Variants in MARCHF1 observed in about 807,000 individuals in gnomAD.
The protein encoded by MARCHF1 is E3 ubiquitin-protein ligase MARCHF1.
Under a neutral mutation model 54.2 loss-of-function variants are expected in MARCHF1, and 40 were observed. The observed-to-expected ratio is 0.74, with a 90% CI of 0.57 to 0.96. MARCHF1 has a LOEUF of 0.96. Ranked by LOEUF, MARCHF1 falls within the 40% of genes least tolerant of loss-of-function variation. The pLI is 0.00. For missense variants in MARCHF1, 586 were observed against 656.5 expected, an observed-to-expected ratio of 0.89 and a Z score of 1.17; for synonymous variants, 236 against 236.3, an observed-to-expected ratio of 1.00 and a Z score of 0.01.
chr4:163,796,788 C>A (rs536289899), intron 4 of MARCHF1, among the ~76,000 whole-genome samples: 1 of 152,048 alleles, frequency 6.6e-6, no homozygotes, highest in African/African-American at 2.4e-5. Flanking sequence ...AATTATATAG[C>A]TTTTAACCTG....
chr4:163,726,001 T>C (rs956755019), intron 4 of MARCHF1, among the ~76,000 whole-genome samples: 1 of 152,104 alleles, frequency 6.6e-6, no homozygotes, highest in Non-Finnish European at 1.5e-5. Context: ...TTTTTCTTTT[T>C]AGTCTTTTTA....
intron 1 of MARCHF1, among the ~76,000 whole-genome samples, chr4:164,151,648 C>T (rs995375583): frequency 6.6e-6 from 1 of 152,162 alleles, no homozygotes; most frequent in Non-Finnish European, 1.5e-5. Context: ...CAAGCCTCTC[C>T]TATTCCACTG....
intron 1 of MARCHF1, among the ~76,000 whole-genome samples, chr4:164,300,573 A>C (rs1361628398): frequency 2.0e-5 from 3 of 152,086 alleles, no homozygotes; most frequent in African/African-American, 7.2e-5. Flanking sequence ...GTTTCAGATG[A>C]TCTCACTCTG....
intron 2 of MARCHF1, among the ~76,000 whole-genome samples, chr4:164,005,661 G>A (rs552293569): frequency 3.3e-5 from 5 of 152,212 alleles, no homozygotes; most frequent in African/African-American, 1.2e-4. Flanking sequence ...TGTCTGAAAG[G>A]AAAAATATTT....
At chr4:163,810,787 T>G (rs180981325) in intron 4 of MARCHF1, among the ~76,000 whole-genome samples, 4 of 151,952 alleles carry the variant, frequency 2.6e-5, no homozygotes, top group Admixed American at 6.6e-5. Context: ...TAACTAAGAA[T>G]TAACAAGAAT....
chr4:163,701,160 C>T (rs952787352), intron 4 of MARCHF1, among the ~76,000 whole-genome samples: 11 of 152,076 alleles, frequency 7.2e-5, no homozygotes, highest in Admixed American at 2.0e-4. Context: ...TGAAATTCTT[C>T]GGCACTAAAA....
At chr4:164,002,753 C>T (rs1192681484) in intron 2 of MARCHF1, among the ~76,000 whole-genome samples, 1 of 151,812 alleles carries the variant, frequency 6.6e-6, no homozygotes, top group Non-Finnish European at 1.5e-5. Context: ...AAATCAGATA[C>T]AGGTATGCCA....
At chr4:164,103,884 A>G (rs1384969173) in intron 2 of MARCHF1, among the ~76,000 whole-genome samples, 1 of 142,810 alleles carries the variant, frequency 7.0e-6, no homozygotes, top group African/African-American at 2.9e-5. Flanking sequence ...CTAATAAAGA[A>G]AAAAAGAGAG....
chr4:163,832,646 A>T (rs1024432389), intron 4 of MARCHF1, among the ~76,000 whole-genome samples: 2 of 151,260 alleles, frequency 1.3e-5, no homozygotes, highest in Non-Finnish European at 1.5e-5. Context: ...CGTGCAGGTT[A>T]GTTACATATG....
chr4:164,357,608 A>G (rs193129438), intron 1 of MARCHF1, among the ~76,000 whole-genome samples: 1 of 152,306 alleles, frequency 6.6e-6, no homozygotes, highest in Admixed American at 6.5e-5. Context: ...AAGAGATGCT[A>G]ATTTTGAAAA....
rs901946888 is a variant in MARCHF1 at position 164,278,682 on chromosome 4, C to T, written c.-323+105188G>A. On this transcript the variant is annotated intron_variant, in intron 1 of 9. Transcript: ENST00000514618. The stretch of plus-strand genomic sequence containing the variant: ...GTATCTGAGTAGCAGCAAAGTTATT[C>T]TCAAATTTCCATTTTATAGCTGGGG... Among the ~76,000 whole-genome samples, 8 of 152,204 alleles carry T rather than the reference C, an allele frequency of 5.3e-5. 1 individual carries two copies. The South Asian group carries it at 6.2e-4, about 12-fold the overall frequency.
chr4:163,753,143 T>G (rs1183298295), intron 4 of MARCHF1, among the ~76,000 whole-genome samples: 1 of 152,134 alleles, frequency 6.6e-6, no homozygotes, highest in Non-Finnish European at 1.5e-5. Context: ...AACTAGATGA[T>G]CCCTTAGGTT....
At chr4:163,840,882 C>T (rs1327249173) in intron 4 of MARCHF1, among the ~76,000 whole-genome samples, 1 of 151,938 alleles carries the variant, frequency 6.6e-6, no homozygotes, top group Non-Finnish European at 1.5e-5. Context: ...TATATAAAGA[C>T]ATCACGATAT....
At position 163,933,919 on chromosome 4, in the gene MARCHF1, C is replaced by T. The variant is rs148182127; in HGVS notation, c.-39+54582G>A. On this transcript the variant is annotated intron_variant, in intron 3 of 9. Coordinates refer to ENST00000514618, the MANE Select transcript of MARCHF1 (RefSeq NM_001394959.1). ...CTTCCCAATAAAAATTCACTTACAC[C>T]TCCTGCCTTTGTAGTTCTGGTATTC... 9.4e-3 allele frequency among the ~76,000 whole-genome samples: 1,425 copies of T among 152,292 alleles called. 24 individuals are homozygous for T. The highest frequency in any genetic ancestry group is 0.032 in the African/African-American group (1,312 of 41,564).
chr4:164,274,228 T>C (rs746898074), intron 1 of MARCHF1, among the ~76,000 whole-genome samples: 4 of 152,216 alleles, frequency 2.6e-5, no homozygotes, highest in Admixed American at 6.5e-5. Flanking sequence ...AGTAAGTGGA[T>C]AGAAAATCGT....
At chr4:164,070,272 CAATGTT>C (rs1389224017) in intron 2 of MARCHF1, among the ~76,000 whole-genome samples, 2 of 152,076 alleles carry the variant, frequency 1.3e-5, no homozygotes, top group African/African-American at 4.8e-5. Flanking sequence ...TGTCATGACA[CAATGTT>C]AAATGTGACA....
At chr4:163,582,008 T>C (rs1408077482) in intron 8 of MARCHF1, among the ~76,000 whole-genome samples, 2 of 152,178 alleles carry the variant, frequency 1.3e-5, no homozygotes, top group African/African-American at 4.8e-5. Context: ...TTAGGGGAGA[T>C]AGATAGTTGT....
At chr4:164,040,261 T>C (rs1236079078) in intron 2 of MARCHF1, among the ~76,000 whole-genome samples, 1 of 144,680 alleles carries the variant, frequency 6.9e-6, no homozygotes, top group Non-Finnish European at 1.5e-5. Flanking sequence ...GTATATGTAA[T>C]TACATATAAT....
chr4:164,202,588 C>T (rs1422980903), intron 1 of MARCHF1, among the ~76,000 whole-genome samples: 2 of 152,128 alleles, frequency 1.3e-5, no homozygotes, highest in Non-Finnish European at 2.9e-5. Context: ...AAAATCAAAG[C>T]TTAGGCTGTT....
Sources: gnomAD v4.1 joint callset for allele counts (sites outside exome capture counted in the v4.1 genomes callset) on GRCh38, gnomAD v4.1.1 for gene constraint, MANE v1.5 for transcripts, NCBI Gene and HGNC (gene_info 2026-07-23, HGNC 2026-07-21) for gene names.